The following SCN10A variants were observed in gnomAD, a reference collection of about 807,000 sequenced individuals.
The protein encoded by SCN10A is sodium voltage-gated channel alpha subunit 10.
SCN10A carries 162 observed loss-of-function variants against 170.7 expected under a neutral mutation model. That is an observed-to-expected ratio of 0.95 (90% CI 0.84 to 1.08). SCN10A has a LOEUF of 1.08. Ranked by LOEUF, SCN10A falls within the 50% of genes least tolerant of loss-of-function variation. SCN10A has a pLI of 0.00. For missense variants in SCN10A, 2,527 were observed against 2,436.9 expected (o/e 1.04, Z -0.78); for synonymous variants, 985 against 904.6 (o/e 1.09, Z -1.59).
At chr3:38,762,566 G>A (rs535228630) in intron 6 of SCN10A, among the ~76,000 whole-genome samples, 1 of 152,284 alleles carries the variant, frequency 6.6e-6, no homozygotes, top group African/African-American at 2.4e-5. Context: ...CCAGAGCATG[G>A]TGAGATGTGA....
Position 38,725,257 on chromosome 3 carries a change from C to T in SCN10A, c.3145G>A (p.Gly1049Ser). Residue 1049 changes from glycine to serine, a missense_variant, in exon 18 of 28, where the codon GGC becomes AGC. Coordinates refer to ENST00000449082, the MANE Select transcript of SCN10A (RefSeq NM_006514.4). ...CGDHLTPRSP[G>S]TGTSSEDLAP... is the part of the protein sequence containing the mutation. Reference sequence around the variant, plus strand: ...AGGTCCTCAGAAGATGTTCCAGTGCCTGGGCTCCTGGGTGTCAGGTGGTCC... The same window carrying T: ...AGGTCCTCAGAAGATGTTCCAGTGCTTGGGCTCCTGGGTGTCAGGTGGTCC... 6.2e-7 allele frequency: 1 copy of T among 1,603,848 alleles called. No individual in the cohort carries two copies. The highest frequency in any genetic ancestry group is 8.5e-7 in the Non-Finnish European group (1 of 1,172,456).
At position 38,789,032 on chromosome 3, in the gene SCN10A, ACCACCTGAAAGGC is replaced by A; in HGVS notation, c.390-9_393del. ...ATAGTGACCGTAATAAATAAACTGA[ACCACCTGAAAGGC>A]CTGTGTTAAGGAAAAGCTGAGATCA... On this transcript the variant is annotated splice_acceptor_variant and splice_polypyrimidine_tract_variant and coding_sequence_variant and intron_variant, in exon 4 of 28. Transcript: ENST00000449082. LOFTEE classifies it high-confidence loss of function. 1 of 1,606,536 alleles carries A rather than the reference ACCACCTGAAAGGC, an allele frequency of 6.2e-7. No individual in the cohort carries two copies.
At chr3:38,800,858 A>G (rs2064366793) in intron 1 of SCN10A, among the ~76,000 whole-genome samples, 1 of 152,170 alleles carries the variant, frequency 6.6e-6, no homozygotes, top group African/African-American at 2.4e-5. Context: ...TTCATAGGCT[A>G]TAGTAGCACC....
At chr3:38,775,021 G>A (rs573514386) in intron 4 of SCN10A, among the ~76,000 whole-genome samples, 1 of 152,214 alleles carries the variant, frequency 6.6e-6, no homozygotes, top group East Asian at 1.9e-4. Context: ...TGACCATGTG[G>A]CTGGAGTTTC....
At chr3:38,727,304 G>A (rs1008955320) in intron 16 of SCN10A, among the ~76,000 whole-genome samples, 1 of 152,174 alleles carries the variant, frequency 6.6e-6, no homozygotes, top group Non-Finnish European at 1.5e-5. Flanking sequence ...GGAGCCCCCC[G>A]CTGAGCAGAG....
intron 26 of SCN10A, among the ~76,000 whole-genome samples, chr3:38,702,609 G>C (rs917892504): frequency 1.3e-5 from 2 of 152,204 alleles, no homozygotes; most frequent in African/African-American, 4.8e-5. Flanking sequence ...TTGTTTCCCT[G>C]CAGTGCCCTG....
At chr3:38,718,464 A>G (rs2063354787) in intron 21 of SCN10A, among the ~76,000 whole-genome samples, 189 bp downstream of exon 21, 1 of 152,272 alleles carries the variant, frequency 6.6e-6, no homozygotes, top group South Asian at 2.1e-4. Context: ...ATTGTGTCAC[A>G]GTCACATACT....
At chr3:38,727,661 C>T (rs759596143) in intron 16 of SCN10A, among the ~76,000 whole-genome samples, 2 of 152,168 alleles carry the variant, frequency 1.3e-5, no homozygotes, top group Non-Finnish European at 2.9e-5. Flanking sequence ...TTGTTGCTTC[C>T]CTTTTCTTGG....
At chr3:38,714,130 G>T in intron 21 of SCN10A, 50 bp from the exon 22 acceptor site, 1 of 1,604,218 alleles carries the variant, frequency 6.2e-7, no homozygotes, top group Non-Finnish European at 8.5e-7. Context: ...CAGAAAGGCA[G>T]TCCTCGTGGA....
intron 1 of SCN10A, among the ~76,000 whole-genome samples, chr3:38,813,340 G>A (rs1018477093): frequency 2.6e-5 from 4 of 152,108 alleles, no homozygotes; most frequent in Non-Finnish European, 5.9e-5. Context: ...TGGGCTTCCT[G>A]TTCCTTGTGC....
chr3:38,765,497 CT>C (rs1386976302), intron 5 of SCN10A, among the ~76,000 whole-genome samples: 1 of 152,050 alleles, frequency 6.6e-6, no homozygotes, highest in Non-Finnish European at 1.5e-5. Context: ...TTTTTGTTTG[CT>C]TTTTCAAAGA....
intron 1 of SCN10A, among the ~76,000 whole-genome samples, chr3:38,809,355 T>C (rs949548454): frequency 6.6e-6 from 1 of 152,248 alleles, no homozygotes; most frequent in South Asian, 2.1e-4. Context: ...CAATCAAATG[T>C]GGACATGGCC....
chr3:38,748,775 C>A (rs983018253), intron 13 of SCN10A, among the ~76,000 whole-genome samples: 29 of 152,180 alleles, frequency 1.9e-4, no homozygotes, highest in Non-Finnish European at 2.9e-5. Flanking sequence ...TAAGGTTGAC[C>A]TAAGCTAAGG....
chr3:38,715,007 T>C (rs11928905), intron 21 of SCN10A, among the ~76,000 whole-genome samples: 32,928 of 152,098 alleles, frequency 0.22, 3,827 homozygotes, highest in African/African-American at 0.29. Flanking sequence ...GGCTTTATAC[T>C]TGAGTGGCAG....
chr3:38,721,238 A>G (rs1469420729), intron 20 of SCN10A, among the ~76,000 whole-genome samples: 1 of 152,166 alleles, frequency 6.6e-6, no homozygotes, highest in Non-Finnish European at 1.5e-5. Context: ...TAGAGAGTAA[A>G]TGACACATGA....
At chr3:38,742,668 G>A in intron 13 of SCN10A, 139 bp from the exon 14 acceptor site, 1 of 704,718 alleles carries the variant, frequency 1.4e-6, no homozygotes, top group East Asian at 2.5e-5. Flanking sequence ...TCTGTCTCTG[G>A]TATTCATTTC....
rs1006405888 is a variant in SCN10A, at chr3:38,804,136, A to G, written c.-32-10094T>C. 4.6e-5 allele frequency among the ~76,000 whole-genome samples: 7 copies of G among 152,338 alleles called. No homozygotes were observed. The East Asian group carries it at 1.2e-3, about 25-fold the overall frequency. On this transcript the variant is annotated intron_variant, in intron 1 of 27. Coordinates refer to ENST00000449082, the MANE Select transcript of SCN10A (RefSeq NM_006514.4). ...ATAACTTCATCTCTGAACTCACTTC[A>G]TATAATTCTCTTGCTTGTTCATTGG...
rs140239113 is a variant in SCN10A, at chr3:38,770,404, C to T, written c.599+875G>A. Among the ~76,000 whole-genome samples the T allele has an allele frequency of 3.0e-3, 463 of 152,140 alleles. 3 individuals are homozygous for T. Among genetic ancestry groups the T allele is most frequent in the African/African-American group, 0.01 (431 of 41,502 alleles). On this transcript the variant is annotated intron_variant, in intron 5 of 27. Transcript: ENST00000449082. The stretch of plus-strand genomic sequence containing the variant: ...AGGGGTAGGTGAGTCTAGACTCAGA[C>T]CCTTCTTGGGTAGGGATTGCTGTGG...
chr3:38,787,722 G>C (rs1449847218), intron 4 of SCN10A, among the ~76,000 whole-genome samples: 1 of 152,088 alleles, frequency 6.6e-6, no homozygotes, highest in Non-Finnish European at 1.5e-5. Context: ...TGCAGAACGT[G>C]CCGGTTTGTT....
Sources: allele counts gnomAD v4.1 joint callset (sites outside exome capture counted in the v4.1 genomes callset), GRCh38; gene constraint gnomAD v4.1.1; transcripts MANE v1.5; gene names NCBI Gene and HGNC (gene_info 2026-07-23, HGNC 2026-07-21).